GNL3L: variants seen among roughly 807,000 people sequenced by gnomAD.
The protein encoded by GNL3L is guanine nucleotide-binding protein-like 3-like protein.
Under a neutral mutation model 42.9 loss-of-function variants are expected in GNL3L, and 4 were observed. The ratio of observed to expected loss-of-function variants is 0.09; its 90% confidence interval spans 0.05 to 0.21. GNL3L has a LOEUF of 0.21. Among genes scored for constraint, GNL3L ranks in the 10% least tolerant of loss-of-function variants. GNL3L has a pLI of 1.00. For synonymous variants in GNL3L, 159 were observed against 176.3 expected (o/e 0.90, Z 0.78); for missense variants, 412 against 481.7 (o/e 0.86, Z 1.36).
chrX:54,560,721 T>C lies in GNL3L; in HGVS notation c.*119T>C. 5.8e-6 allele frequency: 3 copies of C among 517,559 alleles called. No individual in the cohort carries two copies. Among genetic ancestry groups the C allele is most frequent in the Non-Finnish European group, 1.0e-5 (3 of 294,994 alleles). 42.7% of individuals were successfully genotyped at this position (517,559 alleles called of 1,213,427 possible). A position where few individuals can be genotyped will look rare whatever the true frequency, so the allele number is the denominator to read the frequency against. On this transcript the variant is annotated 3_prime_UTR_variant, in exon 16 of 16. Coordinates refer to ENST00000360845, the MANE Select transcript of GNL3L (RefSeq NM_001184819.2). Reference sequence around the variant, plus strand: ...CATATTGAAAGAACGCTTTCCCCACTGTGTGTCTTCTCCCCCTCCTCCAGT... The same window carrying C: ...CATATTGAAAGAACGCTTTCCCCACCGTGTGTCTTCTCCCCCTCCTCCAGT...
rs1249204076 is a variant in GNL3L, at chrX:54,541,311, G to A, written c.228G>A (p.Glu76=). 8.3e-7 allele frequency: 1 copy of A among 1,210,146 alleles called. No individual in the cohort carries two copies. Among genetic ancestry groups the A allele is most frequent in the Non-Finnish European group, 1.1e-6 (1 of 894,084 alleles). Residue 76 remains glutamate, a synonymous_variant, in exon 5 of 16, where the codon GAG becomes GAA. Transcript: ENST00000360845. ...EMREKQQAAR[E]QERQKRRTIE... Reference sequence around the variant, plus strand: ...GGGAGAAGCAGCAAGCCGCCCGGGAGCAAGAAAGACAAAAACGCAGGACCA... The same window carrying A: ...GGGAGAAGCAGCAAGCCGCCCGGGAACAAGAAAGACAAAAACGCAGGACCA...
chrX:54,561,404 G>A lies in GNL3L; in HGVS notation c.*802G>A, dbSNP rs1668676739. Reference sequence around the variant, plus strand: ...TCCAAGTCCATAGGTCTTCACCTGGGTGGCAGTGAGAAAAAGTAGAAAGTA... The same window carrying A: ...TCCAAGTCCATAGGTCTTCACCTGGATGGCAGTGAGAAAAAGTAGAAAGTA... On this transcript the variant is annotated 3_prime_UTR_variant, in exon 16 of 16. Transcript: ENST00000360845. Among the ~76,000 whole-genome samples the A allele has an allele frequency of 8.9e-6, 1 of 112,402 alleles. No homozygotes were observed. Among genetic ancestry groups the A allele is most frequent in the African/African-American group, 3.2e-5 (1 of 30,925 alleles).
At chrX:54,599,630 G>GT (rs1361108134) in intron 16 of GNL3L, among the ~76,000 whole-genome samples, 2 of 110,753 alleles carry the variant, frequency 1.8e-5, no homozygotes, top group Non-Finnish European at 3.8e-5. Context: ...TCTGAGTAGT[G>GT]TTTTTTTAAG....
chrX:54,573,019 A>G (rs1410029531), intron 16 of GNL3L, among the ~76,000 whole-genome samples: 3 of 107,236 alleles, frequency 2.8e-5, no homozygotes, highest in East Asian at 6.1e-4. Context: ...CTCACTTTAC[A>G]GATGGGATGG....
rs762131790 is a variant in GNL3L at position 54,562,898 on chromosome X, T to C, written c.*2296T>C. On this transcript the variant is annotated 3_prime_UTR_variant, in exon 16 of 16. Coordinates refer to ENST00000360845, the MANE Select transcript of GNL3L (RefSeq NM_001184819.2). ...CGTGATTAAAACCCTATGCAGGCCC[T>C]TTCCTCTATATTGTACTGCCTCCTT... Among the ~76,000 whole-genome samples, 23 of 111,274 alleles carry C rather than the reference T, an allele frequency of 2.1e-4. No homozygotes were observed. Among genetic ancestry groups the C allele is most frequent in the Non-Finnish European group, 4.3e-4 (23 of 53,106 alleles).
At position 54,540,264 on chromosome X, in the gene GNL3L, G is replaced by T. The variant is rs183754189; in HGVS notation, c.189+22G>T. 92 of 987,663 alleles carry T rather than the reference G, an allele frequency of 9.3e-5. 1 individual carries two copies. The East Asian group carries it at 2.8e-3, about 30-fold the overall frequency. 81.4% of individuals were successfully genotyped at this position (987,663 alleles called of 1,213,427 possible). A position where few individuals can be genotyped will look rare whatever the true frequency, so the allele number is the denominator to read the frequency against. ...GTGGGTAAGCTTTTTGCCTTGGTGGGGAGAGAGAGGGCCTGCCTTGAATGC... is the reference window on the plus strand; with the variant it reads ...GTGGGTAAGCTTTTTGCCTTGGTGGTGAGAGAGAGGGCCTGCCTTGAATGC... On this transcript the variant is annotated intron_variant, in intron 4 of 15. Coordinates refer to ENST00000360845, the MANE Select transcript of GNL3L (RefSeq NM_001184819.2).
chrX:54,572,938 C>A (rs1279751627), intron 16 of GNL3L, among the ~76,000 whole-genome samples: 1 of 107,899 alleles, frequency 9.3e-6, no homozygotes, highest in Non-Finnish European at 1.9e-5. Flanking sequence ...TCCCCACATC[C>A]CAGACGATGG....
At chrX:54,597,875 C>T (rs1375264751) in intron 16 of GNL3L, among the ~76,000 whole-genome samples, 3 of 111,059 alleles carry the variant, frequency 2.7e-5, no homozygotes, top group Non-Finnish European at 3.8e-5. Flanking sequence ...CTCCCTGCCG[C>T]CAGCACACAG....
chrX:54,645,709 G>A, the GNL3L span, among the ~76,000 whole-genome samples: 1 of 111,941 alleles, frequency 8.9e-6, no homozygotes, highest in Non-Finnish European at 1.9e-5. Context: ...ACCATTCAAG[G>A]ACTGAAGATG....
At chrX:54,556,746 C>T (rs768070480) in intron 14 of GNL3L, among the ~76,000 whole-genome samples, 10 of 111,623 alleles carry the variant, frequency 9.0e-5, no homozygotes, top group Non-Finnish European at 1.9e-4. Flanking sequence ...TCAGGAATGA[C>T]CCCTCCCCAT....
At chrX:54,597,645 C>T (rs6612168) in intron 16 of GNL3L, among the ~76,000 whole-genome samples, 1 of 110,986 alleles carries the variant, frequency 9.0e-6, no homozygotes, top group Non-Finnish European at 1.9e-5. Context: ...TCCTTGTGGC[C>T]TAGACTGCCT....
intron 16 of GNL3L, among the ~76,000 whole-genome samples, chrX:54,609,779 G>A (rs987991251): frequency 3.6e-5 from 4 of 111,875 alleles, no homozygotes; most frequent in East Asian, 2.8e-4. Context: ...AAATCAGGTC[G>A]TGTGATGCCT....
rs1223294360 is a variant in GNL3L, at chrX:54,561,551, GCACCTGTTAGTAGGGAGGC to G, written c.*950_*968del. On this transcript the variant is annotated 3_prime_UTR_variant, in exon 16 of 16. Coordinates refer to ENST00000360845, the MANE Select transcript of GNL3L (RefSeq NM_001184819.2). ...CCTGTTTGCGTGAAGAGAAAACAAA[GCACCTGTTAGTAGGGAGGC>G]TTTAGGGGGAAGCCCCGTCTTGGGG... 2.7e-5 allele frequency among the ~76,000 whole-genome samples: 3 copies of G among 112,239 alleles called. No individual in the cohort carries two copies. Among genetic ancestry groups the G allele is most frequent in the Non-Finnish European group, 3.8e-5 (2 of 53,224 alleles).
chrX:54,537,026 CTT>C (rs747450203), intron 2 of GNL3L, among the ~76,000 whole-genome samples: 26 of 85,832 alleles, frequency 3.0e-4, no homozygotes, highest in African/African-American at 5.4e-4. Context: ...GGTTGTTAAT[CTT>C]TTTTTTTTTT....
chrX:54,644,006 A>G, the GNL3L span, among the ~76,000 whole-genome samples: 4 of 112,318 alleles, frequency 3.6e-5, no homozygotes, highest in Non-Finnish European at 7.5e-5. Context: ...TTCTTTATCA[A>G]TTCATCCGTT....
the GNL3L span, among the ~76,000 whole-genome samples, chrX:54,630,709 T>C: frequency 2.6e-3 from 1 of 390 alleles, no homozygotes; most frequent in Non-Finnish European, 4.8e-3. Context: ...TTTCTTTCTT[T>C]TTCTTTCTTT....
At chrX:54,606,994 TC>T (rs762261460) in intron 16 of GNL3L, among the ~76,000 whole-genome samples, 8 of 59,844 alleles carry the variant, frequency 1.3e-4, no homozygotes, top group African/African-American at 8.6e-4. Context: ...TCCTTTCCTT[TC>T]CTTTCTTTCT....
chrX:54,620,577 T>A, intron 16 of GNL3L, among the ~76,000 whole-genome samples: 1 of 112,264 alleles, frequency 8.9e-6, no homozygotes. Context: ...TTGGCTATTA[T>A]GAACAGTGCT....
intron 1 of GNL3L, among the ~76,000 whole-genome samples, chrX:54,531,573 C>T (rs1205288191): frequency 9.0e-6 from 1 of 111,165 alleles, no homozygotes. Context: ...GTTAGTGTGC[C>T]GCTGACTTCA....
Sources: allele counts gnomAD v4.1 joint callset (sites outside exome capture counted in the v4.1 genomes callset), GRCh38; gene constraint gnomAD v4.1.1; transcripts MANE v1.5; gene names NCBI Gene and HGNC (gene_info 2026-07-23, HGNC 2026-07-21).